Variants in SLC7A8 observed in about 807,000 individuals in gnomAD.
The protein encoded by SLC7A8 is solute carrier family 7 member 8.
A neutral mutation model predicts 51.2 loss-of-function variants in SLC7A8; 30 were observed. The observed-to-expected ratio is 0.59, with a 90% CI of 0.44 to 0.80. SLC7A8 has a LOEUF of 0.80. Ranked by LOEUF, SLC7A8 falls within the 30% of genes least tolerant of loss-of-function variation. The pLI is 0.00. For synonymous variants in SLC7A8, 257 were observed against 275.8 expected, an observed-to-expected ratio of 0.93 and a Z score of 0.67; for missense variants, 612 against 674.4, an observed-to-expected ratio of 0.91 and a Z score of 1.03.
intron 4 of SLC7A8, among the ~76,000 whole-genome samples, chr14:23,141,522 T>A (rs1273861965): frequency 1.3e-5 from 2 of 152,218 alleles, no homozygotes; most frequent in African/African-American, 4.8e-5. Flanking sequence ...CGATCTCAGC[T>A]CACTGCAACC....
Position 23,162,884 on chromosome 14 carries a change from G to T in SLC7A8, c.508+2401C>A, listed in dbSNP as rs555140679. On this transcript the variant is annotated intron_variant, in intron 3 of 10. Transcript: ENST00000316902. ...GGGTGCAAACTGAACAGCCTCGGGG[G>T]TTCTTGATTTCTAGTAGAAGGGTAA... Among the ~76,000 whole-genome samples, 7 of 152,260 alleles carry T rather than the reference G, an allele frequency of 4.6e-5. No homozygotes were observed. In the East Asian group the frequency reaches 1.2e-3, roughly 25 times the overall value.
chr14:23,144,017 G>A (rs1377385892), intron 3 of SLC7A8, among the ~76,000 whole-genome samples: 1 of 152,216 alleles, frequency 6.6e-6, no homozygotes. Flanking sequence ...AGCATTCTAT[G>A]ATATAAAGGT....
rs143829246 is a variant in SLC7A8, at chr14:23,154,419, A to G, written c.508+10866T>C. 530 of 993,036 alleles carry G rather than the reference A, an allele frequency of 5.3e-4. 1 individual carries two copies. In the African/African-American group the frequency reaches 8.9e-3, roughly 17 times the overall value. 61.5% of individuals were successfully genotyped at this position (993,036 alleles called of 1,614,324 possible). On this transcript the variant is annotated intron_variant, in intron 3 of 10. Coordinates refer to ENST00000316902, the MANE Select transcript of SLC7A8 (RefSeq NM_012244.4). ...GGAGGTTGGAGCCGCTGGGCAGGGA[A>G]GCCGGGCCTGTGGGGGCGTGGGTGT...
chr14:23,138,166 CT>C, intron 6 of SLC7A8, 142 bp from the exon 7 acceptor site: 1 of 1,051,040 alleles, frequency 9.5e-7, no homozygotes, highest in South Asian at 1.6e-5. Flanking sequence ...TGCCCCCACC[CT>C]CTCAAGGGTG....
chr14:23,127,745 G>T (rs1831192357), intron 10 of SLC7A8, among the ~76,000 whole-genome samples: 1 of 152,206 alleles, frequency 6.6e-6, no homozygotes, highest in Non-Finnish European at 1.5e-5. Flanking sequence ...GCCTCCCAAA[G>T]TGCTGGGATT....
rs540081628 is a variant in SLC7A8 at position 23,165,378 on chromosome 14, C to T, written c.415G>A (p.Ala139Thr). 2.2e-5 allele frequency: 36 copies of T among 1,602,596 alleles called. No homozygotes were observed. The highest frequency in any genetic ancestry group is 1.2e-4 in the South Asian group (11 of 89,246). Residue 139 changes from alanine (A) to threonine (T), a missense_variant, in exon 3 of 11, where the codon GCC becomes ACC. Transcript: ENST00000316902. This position sits in a 1 kb window ranked among gnomAD's most constrained non-coding sequence, Gnocchi z 4.2. The stretch of plus-strand genomic sequence containing the variant: ...AGCACGTAGTTGGAGAAGGTGAGGG[C>T]GATGACAGCCTGGTTGGTGGGGTAG... ...VIYPTNQAVIALTFSNYVLQP... is the reference protein window; with the variant it reads ...VIYPTNQAVITLTFSNYVLQP...
In SLC7A8 at chr14:23,128,680, C is replaced by T. The variant is rs1021831189; in HGVS notation, c.1264-484G>A. On this transcript the variant is annotated intron_variant, in intron 9 of 10. Coordinates refer to ENST00000316902, the MANE Select transcript of SLC7A8 (RefSeq NM_012244.4). This position sits in a 1 kb window ranked among gnomAD's most constrained non-coding sequence, Gnocchi z 4.3. The stretch of plus-strand genomic sequence containing the variant: ...CTTCTGTGCAGGGCCCTTATGTGGG[C>T]ACAATATGGCAAATGTCAGCTCCTT... Among the ~76,000 whole-genome samples, 1 of 152,198 alleles carries T rather than the reference C, an allele frequency of 6.6e-6. No individual in the cohort carries two copies. Among genetic ancestry groups the T allele is most frequent in the Non-Finnish European group, 1.5e-5 (1 of 68,032 alleles).
At chr14:23,143,895 A>G (rs1211777845) in intron 3 of SLC7A8, among the ~76,000 whole-genome samples, 1 of 152,220 alleles carries the variant, frequency 6.6e-6, no homozygotes, top group Non-Finnish European at 1.5e-5. Flanking sequence ...ACATAAATGG[A>G]ATCATATAAT....
intron 3 of SLC7A8, among the ~76,000 whole-genome samples, chr14:23,162,300 C>T (rs2048928341): frequency 6.6e-6 from 1 of 152,116 alleles, no homozygotes; most frequent in African/African-American, 2.4e-5. Flanking sequence ...AGCTGGTTTC[C>T]ATTTCCCCTA....
chr14:23,162,050 AG>A (rs2048927024), intron 3 of SLC7A8, among the ~76,000 whole-genome samples: 1 of 151,880 alleles, frequency 6.6e-6, no homozygotes, highest in Non-Finnish European at 1.5e-5. Context: ...CAAAAAAAGA[AG>A]AGAGGATTTG....
intron 1 of SLC7A8, among the ~76,000 whole-genome samples, chr14:23,173,701 G>A (rs775408461): frequency 6.6e-6 from 1 of 151,944 alleles, no homozygotes; most frequent in Non-Finnish European, 1.5e-5. Flanking sequence ...AGGCTGGAGT[G>A]CACAATCACA....
chr14:23,156,033 T>C (rs1000482608), intron 3 of SLC7A8, among the ~76,000 whole-genome samples: 1 of 151,852 alleles, frequency 6.6e-6, no homozygotes, highest in Admixed American at 6.6e-5. Context: ...AGTTTCGCTC[T>C]TGTTGCCCAG....
chr14:23,169,698 C>T (rs991408412), intron 1 of SLC7A8, among the ~76,000 whole-genome samples: 6 of 152,164 alleles, frequency 3.9e-5, no homozygotes, highest in South Asian at 4.1e-4. Context: ...TGAGCCACTG[C>T]GCCTGGCCTA....
intron 1 of SLC7A8, among the ~76,000 whole-genome samples, chr14:23,181,217 G>C (rs1226158773): frequency 6.6e-6 from 1 of 152,078 alleles, no homozygotes; most frequent in Admixed American, 6.5e-5. Context: ...CCTTAAACTG[G>C]CATGTGCTAT....
chr14:23,141,435 G>A (rs1009531369), intron 4 of SLC7A8, among the ~76,000 whole-genome samples: 1 of 152,202 alleles, frequency 6.6e-6, no homozygotes, highest in Non-Finnish European at 1.5e-5. Context: ...TCTGAGGTGT[G>A]TGTTTGGTCT....
At chr14:23,137,191 T>G (rs373350571) in intron 7 of SLC7A8, among the ~76,000 whole-genome samples, 56 of 152,314 alleles carry the variant, frequency 3.7e-4, no homozygotes, top group African/African-American at 1.3e-3. Context: ...GGTCCCTGGA[T>G]GCATGGAGGC....
intron 1 of SLC7A8, among the ~76,000 whole-genome samples, chr14:23,178,082 C>A (rs1166177783): frequency 1.3e-5 from 2 of 152,274 alleles, no homozygotes; most frequent in South Asian, 2.1e-4. Flanking sequence ...CCCTTTGAGC[C>A]TTTATTTCCT....
At chr14:23,144,439 T>C (rs1460630383) in intron 3 of SLC7A8, among the ~76,000 whole-genome samples, 1 of 151,052 alleles carries the variant, frequency 6.6e-6, no homozygotes, top group Non-Finnish European at 1.5e-5. Flanking sequence ...GTTGAGCAAC[T>C]CTTCATGTGC....
At chr14:23,181,728 C>T (rs764460766) in intron 1 of SLC7A8, among the ~76,000 whole-genome samples, 7 of 152,188 alleles carry the variant, frequency 4.6e-5, no homozygotes, top group Non-Finnish European at 8.8e-5. Context: ...TATGCCTGAC[C>T]GTCCTGCACT....
Sources: gnomAD v4.1 joint callset for allele counts (sites outside exome capture counted in the v4.1 genomes callset) on GRCh38, gnomAD v4.1.1 for gene constraint, Gnocchi (gnomAD v3.1) non-coding constraint, MANE v1.5 for transcripts, NCBI Gene and HGNC (gene_info 2026-07-23, HGNC 2026-07-21) for gene names.